The following BRWD3 variants were observed in gnomAD, a reference collection of about 807,000 sequenced individuals.
BRWD3 encodes bromodomain and WD repeat domain containing 3.
A neutral mutation model predicts 149.7 loss-of-function variants in BRWD3; 10 were observed. The observed-to-expected ratio is 0.07, with a 90% CI of 0.04 to 0.11. The LOEUF is 0.11. Among genes scored for constraint, BRWD3 ranks in the 10% least tolerant of loss-of-function variants. The pLI is 1.00. For synonymous variants in BRWD3, 504 were observed against 456.7 expected (o/e 1.10, Z -1.32); for missense variants, 940 against 1,373.2 (o/e 0.68, Z 4.99).
Position 80,690,019 on chromosome X carries a change from G to T in BRWD3, c.3676C>A (p.Pro1226Thr). The change falls in exon 32 of 41, where the codon CCT (proline) becomes ACT (threonine). Residue 1226 changes from proline (P) to threonine (T), a missense_variant. This residue lies in a region of BRWD3 where 349 missense variants were observed against 419.6 expected (regional missense o/e 0.83). Transcript: ENST00000373275. ...NARTFNEPDS[P>T]IVKAAKIVTD... ...ACAATTTTAGCTGCTTTAACTATAG[G>T]ACTGTCTGGCTCATTGAAAGTCCTG... 3 of 1,207,095 alleles carry T rather than the reference G, an allele frequency of 2.5e-6. No homozygotes were observed. The highest frequency in any genetic ancestry group is 3.4e-6 in the Non-Finnish European group (3 of 891,944).
chrX:80,707,236 T>G (rs1027166624), intron 22 of BRWD3, among the ~76,000 whole-genome samples, 191 bp downstream of exon 22: 1 of 112,663 alleles, frequency 8.9e-6, no homozygotes, highest in African/African-American at 3.2e-5. Context: ...ATGAAGAAAC[T>G]AAAAGGCCCA....
rs749449429 is a variant in BRWD3, at chrX:80,681,367, C to T, written c.4628G>A (p.Arg1543Gln). The T allele has an allele frequency of 1.1e-5, 13 of 1,208,176 alleles. No homozygotes were observed. Among genetic ancestry groups the T allele is most frequent in the South Asian group, 5.3e-5 (3 of 56,700 alleles). Residue 1543 changes from arginine (R) to glutamine (Q), a missense_variant, in exon 40 of 41, where the codon CGG becomes CAG. By Grantham distance (43) the Arg-to-Gln change is conservative. Around this residue, in one of 6 missense-constraint regions of BRWD3, gnomAD observed 349 missense variants for 419.6 expected, o/e 0.83. Transcript: ENST00000373275. ...SHDPGKAKSF[R>Q]NRVLPVKQDH... Reference sequence around the variant, plus strand: ...TTGTTTAACTGGCAAAACTCTATTCCGAAATGATTTGGCTTTCCCTGGGTC... The same window carrying T: ...TTGTTTAACTGGCAAAACTCTATTCTGAAATGATTTGGCTTTCCCTGGGTC...
At chrX:80,720,115 A>G (rs754793913) in intron 17 of BRWD3, among the ~76,000 whole-genome samples, 56 of 112,086 alleles carry the variant, frequency 5.0e-4, no homozygotes, top group Non-Finnish European at 9.6e-4. Flanking sequence ...ACAGTACATA[A>G]TATTTGGTAA....
intron 6 of BRWD3, among the ~76,000 whole-genome samples, chrX:80,752,324 C>T (rs1181896981): frequency 9.0e-6 from 1 of 111,525 alleles, no homozygotes; most frequent in Admixed American, 9.6e-5. Flanking sequence ...AAGTTGATTT[C>T]ATATCTTTGC....
intron 6 of BRWD3, among the ~76,000 whole-genome samples, chrX:80,756,030 T>C (rs2073732197): frequency 8.9e-6 from 1 of 111,986 alleles, no homozygotes; most frequent in Admixed American, 9.5e-5. Context: ...ATACATTTTC[T>C]ATTAGGTTCT....
At position 80,700,055 on chromosome X, in the gene BRWD3, A is replaced by G. The variant is rs1466905019; in HGVS notation, c.2845T>C (p.Phe949Leu). ...VPQMGDELIYFRQGHEAYVRA... is the reference protein window; with the variant it reads ...VPQMGDELIYLRQGHEAYVRA... The stretch of plus-strand genomic sequence containing the variant: ...ACATAAGCTTCATGTCCTTGCCTAA[A>G]ATAGATAAGCTAAAACAGAAAACAT... Residue 949 changes from phenylalanine (F) to leucine (L), a missense_variant, in exon 25 of 41, where the codon TTT (phenylalanine) becomes CTT (leucine). Phe to Leu is a conservative substitution (Grantham distance 22). Coordinates refer to ENST00000373275, the MANE Select transcript of BRWD3 (RefSeq NM_153252.5). 8.3e-7 allele frequency: 1 copy of G among 1,203,784 alleles called. No homozygotes were observed. The highest frequency in any genetic ancestry group is 1.1e-6 in the Non-Finnish European group (1 of 889,107).
intron 27 of BRWD3, among the ~76,000 whole-genome samples, chrX:80,693,560 G>A (rs1222170311): frequency 8.9e-6 from 1 of 111,913 alleles, no homozygotes; most frequent in Non-Finnish European, 1.9e-5. Context: ...CTAGGCTGAG[G>A]TGGTCTCAGA....
intron 26 of BRWD3, among the ~76,000 whole-genome samples, 193 bp downstream of exon 26, chrX:80,696,546 A>ACG (rs2072699040): frequency 9.2e-6 from 1 of 109,271 alleles, no homozygotes; most frequent in Non-Finnish European, 1.9e-5. Flanking sequence ...ACACACACAC[A>ACG]CACACACACA....
chrX:80,722,405 T>C (rs2073163727), intron 17 of BRWD3, among the ~76,000 whole-genome samples, 157 bp downstream of exon 17: 1 of 111,828 alleles, frequency 8.9e-6, no homozygotes, highest in African/African-American at 3.3e-5. Flanking sequence ...AAAAGTACTA[T>C]GCTAAGGTAA....
intron 14 of BRWD3, among the ~76,000 whole-genome samples, chrX:80,725,515 G>A (rs2073204574): frequency 8.9e-6 from 1 of 112,401 alleles, no homozygotes; most frequent in African/African-American, 3.2e-5. Context: ...ATAAAGCACA[G>A]TGGCTCTGCT....
intron 4 of BRWD3, among the ~76,000 whole-genome samples, chrX:80,800,252 CTT>C (rs1398759700): frequency 2.9e-4 from 26 of 90,384 alleles, no homozygotes; most frequent in Admixed American, 2.5e-4. Flanking sequence ...AGAAGGGCTT[CTT>C]TTTTTTTTTT....
At position 80,809,024 on chromosome X, in the gene BRWD3, C is replaced by T. The variant is rs1234107662; in HGVS notation, c.109G>A (p.Glu37Lys). The stretch of plus-strand genomic sequence containing the variant: ...AAGGGGCTCCGTACCTGATGCTCCT[C>T]GAGCTCCTGCACTAGCACCTGAGCA... ...KSAQVLVQELEEHQLIPRRLD... is the reference protein window; with the variant it reads ...KSAQVLVQELKEHQLIPRRLD... Residue 37 changes from glutamate (E) to lysine (K), a missense_variant, in exon 3 of 41, where the codon GAG (glutamate) becomes AAG (lysine). Coordinates refer to ENST00000373275, the MANE Select transcript of BRWD3 (RefSeq NM_153252.5). 1 of 1,193,565 alleles carries T rather than the reference C, an allele frequency of 8.4e-7. No individual in the cohort carries two copies. Among genetic ancestry groups the T allele is most frequent in the Non-Finnish European group, 1.1e-6 (1 of 886,971 alleles).
chrX:80,735,803 CAA>C (rs571194692), intron 9 of BRWD3, among the ~76,000 whole-genome samples, 183 bp downstream of exon 9: 8 of 45,468 alleles, frequency 1.8e-4, no homozygotes, highest in Non-Finnish European at 1.3e-4. Context: ...GACTCTGTCT[CAA>C]AAAAAAAAAA....
chrX:80,759,752 C>T (rs1274212539), intron 6 of BRWD3, among the ~76,000 whole-genome samples: 1 of 111,489 alleles, frequency 9.0e-6, no homozygotes, highest in Non-Finnish European at 1.9e-5. Flanking sequence ...TCATATGGCT[C>T]AACATGATAG....
At position 80,716,142 on chromosome X, in the gene BRWD3, T is replaced by C; in HGVS notation, c.2325+15A>G. 1 of 1,165,722 alleles carries C rather than the reference T, an allele frequency of 8.6e-7. No homozygotes were observed. Among genetic ancestry groups the C allele is most frequent in the Non-Finnish European group, 1.2e-6 (1 of 854,124 alleles). The stretch of plus-strand genomic sequence containing the variant: ...GCAAATAGTGTATCCCAAAGTATTG[T>C]AAAACTATACTTACCCTTTGAGTAG... On this transcript the variant is annotated intron_variant, in intron 20 of 40. Transcript: ENST00000373275.
At chrX:80,710,679 G>GA in intron 20 of BRWD3, 1 of 815,448 alleles carries the variant, frequency 1.2e-6, no homozygotes, top group Non-Finnish European at 1.8e-6. Context: ...TTAACCAGCA[G>GA]AAAAGGCTGA....
intron 2 of BRWD3, 61 bp from the exon 3 acceptor site, chrX:80,809,103 C>G: frequency 8.6e-7 from 1 of 1,162,881 alleles, no homozygotes; most frequent in Non-Finnish European, 1.2e-6. Flanking sequence ...ATTCCTCCCT[C>G]CACACTTAAA....
At position 80,807,452 on chromosome X, in the gene BRWD3, A is replaced by T. The variant is rs185533031; in HGVS notation, c.180+1087T>A. The stretch of plus-strand genomic sequence containing the variant: ...ATTGCAAGCAAATTTTAAATCATTT[A>T]TATTTAGAGTCTATCATACACCGCC... On this transcript the variant is annotated intron_variant, in intron 4 of 40. Transcript: ENST00000373275. Among the ~76,000 whole-genome samples the T allele has an allele frequency of 2.2e-4, 25 of 112,408 alleles. 1 individual carries two copies. The highest frequency in any genetic ancestry group is 4.5e-4 in the Non-Finnish European group (24 of 53,297).
At chrX:80,706,345 G>A (rs2072864581) in intron 22 of BRWD3, among the ~76,000 whole-genome samples, 1 of 111,756 alleles carries the variant, frequency 8.9e-6, no homozygotes, top group African/African-American at 3.3e-5. Flanking sequence ...CTGACCTCAG[G>A]TGATCCTTCC....
Sources: allele counts gnomAD v4.1 joint callset (sites outside exome capture counted in the v4.1 genomes callset), GRCh38; gene constraint gnomAD v4.1.1; regional missense constraint gnomAD v4.1.1; transcripts MANE v1.5; gene names NCBI Gene and HGNC (gene_info 2026-07-23, HGNC 2026-07-21).